Variants in YJU2 observed in about 807,000 individuals in gnomAD.
The protein encoded by YJU2 is YJU2 splicing factor homolog.
A neutral mutation model predicts 39.6 loss-of-function variants in YJU2; 28 were observed. That is an observed-to-expected ratio of 0.71 (90% CI 0.52 to 0.97). YJU2 has a LOEUF of 0.97. YJU2 is among the 50% of genes least tolerant of loss of function. The pLI is 0.00. For synonymous variants in YJU2, 184 were observed against 182.4 expected, an observed-to-expected ratio of 1.01 and a Z score of -0.07; for missense variants, 328 against 430.4, an observed-to-expected ratio of 0.76 and a Z score of 2.11.
intron 5 of YJU2, among the ~76,000 whole-genome samples, chr19:4,258,692 T>C (rs992004913): frequency 1.3e-5 from 2 of 152,216 alleles, no homozygotes; most frequent in African/African-American, 4.8e-5. Flanking sequence ...GAAAGGCATG[T>C]GTGGTGTGTC....
At chr19:4,254,619 C>CT in intron 4 of YJU2, 130 bp downstream of exon 4, 1 of 1,335,566 alleles carries the variant, frequency 7.5e-7, no homozygotes. Context: ...GTTGGTAAAA[C>CT]TTTAAGATGT....
At position 4,247,639 on chromosome 19, in the gene YJU2, GTGTGTGTGTGTGTGTGTGTGTGTGTGTGT is replaced by G. The variant is rs1970939190; in HGVS notation, c.24+470_24+498del. Among the ~76,000 whole-genome samples the G allele has an allele frequency of 2.5e-4, 17 of 66,692 alleles. 1 individual carries two copies. The highest frequency in any genetic ancestry group is 2.9e-4 in the Admixed American group (2 of 6,938). 43.8% of individuals were successfully genotyped at this position (66,692 alleles called of 152,430 possible). A position where few individuals can be genotyped will look rare whatever the true frequency, so the allele number is the denominator to read the frequency against. ...TGTGTGTGTGTGTGTGTGTGTGTGT[GTGTGTGTGTGTGTGTGTGTGTGTGTGTGT>G]GTGTGTGTGTGTGTGTGTGTGTGTG... On this transcript the variant is annotated intron_variant, in intron 1 of 7. Coordinates refer to ENST00000262962, the MANE Select transcript of YJU2 (RefSeq NM_018074.6).
intron 7 of YJU2, 21 bp from the exon 8 acceptor site, chr19:4,268,563 T>C (rs1450169759): frequency 6.4e-7 from 1 of 1,561,526 alleles, no homozygotes; most frequent in Non-Finnish European, 8.8e-7. Context: ...TGAGATGAGC[T>C]AACTCTCGCT....
intron 4 of YJU2, 133 bp downstream of exon 4, chr19:4,254,622 T>C: frequency 7.6e-7 from 1 of 1,323,712 alleles, no homozygotes; most frequent in Non-Finnish European, 1.0e-6. Flanking sequence ...GGTAAAACTT[T>C]AAGATGTCCC....
At chr19:4,253,197 C>CCA (rs1970991238) in intron 3 of YJU2, among the ~76,000 whole-genome samples, 1 of 98,218 alleles carries the variant, frequency 1.0e-5, no homozygotes, top group Non-Finnish European at 2.0e-5. Context: ...CTGTCCGTGT[C>CCA]TACACACACA....
chr19:4,256,221 TACATATATATACATAC>T, intron 4 of YJU2, among the ~76,000 whole-genome samples: 1 of 148,504 alleles, frequency 6.7e-6, no homozygotes, highest in Non-Finnish European at 1.5e-5. Flanking sequence ...CACACACATA[TACATATATATACATAC>T]ACATATATAT....
At position 4,247,484 on chromosome 19, in the gene YJU2, T is replaced by G. The variant is rs576178746; in HGVS notation, c.24+314T>G. 4.3e-5 allele frequency: 12 copies of G among 280,270 alleles called. No homozygotes were observed. The South Asian group carries it at 8.3e-4, about 19-fold the overall frequency. 17.4% of individuals were successfully genotyped at this position (280,270 alleles called of 1,614,324 possible). A position where few individuals can be genotyped will look rare whatever the true frequency, so the allele number is the denominator to read the frequency against. The stretch of plus-strand genomic sequence containing the variant: ...GCTTCCTTAAATGCTGGCGGCCGTG[T>G]TTTGCCCTCTTCTTGAGGGGCGTGG... On this transcript the variant is annotated intron_variant, in intron 1 of 7. Coordinates refer to ENST00000262962, the MANE Select transcript of YJU2 (RefSeq NM_018074.6).
intron 6 of YJU2, among the ~76,000 whole-genome samples, chr19:4,262,475 G>A (rs1971080118): frequency 6.6e-6 from 1 of 152,090 alleles, no homozygotes; most frequent in African/African-American, 2.4e-5. Flanking sequence ...TGGGATTACA[G>A]GCGTGAGCCA....
rs1421334562 is a variant in YJU2 at position 4,261,872 on chromosome 19, C to T, written c.588-122C>T. 3.7e-5 allele frequency: 34 copies of T among 931,264 alleles called. No homozygotes were observed. In the Admixed American group the frequency reaches 4.2e-4, roughly 12 times the overall value. The allele number at this position is 931,264 out of a possible 1,614,324, so 57.7% of individuals were successfully genotyped here. ...TGTGCTCCCCCTACTCCCTCCCACCCCTGCTCACTGAGGGCAGGAAGAGGT... is the reference window on the plus strand; with the variant it reads ...TGTGCTCCCCCTACTCCCTCCCACCTCTGCTCACTGAGGGCAGGAAGAGGT... On this transcript the variant is annotated intron_variant, in intron 5 of 7. Coordinates refer to ENST00000262962, the MANE Select transcript of YJU2 (RefSeq NM_018074.6).
intron 2 of YJU2, 152 bp downstream of exon 2, chr19:4,249,480 CCT>C (rs1970958336): frequency 6.9e-6 from 4 of 581,176 alleles, no homozygotes; most frequent in Non-Finnish European, 9.2e-6. Flanking sequence ...CCCTCCTTCG[CCT>C]CACCACTTGG....
chr19:4,257,792 A>G (rs1000362208), intron 4 of YJU2, among the ~76,000 whole-genome samples: 2 of 151,714 alleles, frequency 1.3e-5, no homozygotes, highest in Admixed American at 6.6e-5. Flanking sequence ...TAGTAGAGAC[A>G]GGGTTTCACC....
chr19:4,261,936 A>T (rs1271422984), intron 5 of YJU2, 58 bp from the exon 6 acceptor site: 2 of 1,579,756 alleles, frequency 1.3e-6, no homozygotes, highest in African/African-American at 2.7e-5. Flanking sequence ...CAGCAGGTAC[A>T]TCCCAGGCAC....
chr19:4,247,228 A>G, intron 1 of YJU2, 58 bp downstream of exon 1: 2 of 1,481,564 alleles, frequency 1.3e-6, no homozygotes, highest in South Asian at 2.3e-5. Flanking sequence ...GAACTCCGGG[A>G]GAGGGAGGAG....
intron 5 of YJU2, 30 bp downstream of exon 5, chr19:4,258,453 A>G (rs1420546364): frequency 1.3e-6 from 2 of 1,553,190 alleles, no homozygotes; most frequent in African/African-American, 2.7e-5. Context: ...ACCCAGCCCC[A>G]CCTCGCAGCC....
intron 1 of YJU2, among the ~76,000 whole-genome samples, chr19:4,248,999 A>C (rs1970953634): frequency 6.6e-6 from 1 of 152,108 alleles, no homozygotes; most frequent in East Asian, 1.9e-4. Context: ...CATGACTGGT[A>C]TTTAGGAGAA....
chr19:4,265,663 A>C lies in YJU2; in HGVS notation c.709-1961A>C, dbSNP rs12609221. Among the ~76,000 whole-genome samples, 12 of 151,532 alleles carry C rather than the reference A, an allele frequency of 7.9e-5. No homozygotes were observed. In the East Asian group the frequency reaches 2.3e-3, roughly 29 times the overall value. ...GAGTGCAGTGGCACGGTCTCGGCTC[A>C]CTGCAACCTCCGGCTCCCAGCCTGT... On this transcript the variant is annotated intron_variant, in intron 6 of 7. Transcript: ENST00000262962.
At chr19:4,258,575 C>T (rs891102336) in intron 5 of YJU2, 152 bp downstream of exon 5, 33 of 1,296,786 alleles carry the variant, frequency 2.5e-5, no homozygotes, top group Middle Eastern at 5.5e-4. Flanking sequence ...CTTGTGGCGT[C>T]TCTCGAGGGG....
intron 5 of YJU2, 100 bp from the exon 6 acceptor site, chr19:4,261,894 A>G: frequency 8.1e-7 from 1 of 1,227,280 alleles, no homozygotes; most frequent in Non-Finnish European, 1.1e-6. Context: ...GGGCAGGAAG[A>G]GGTCTCCAGG....
rs148089295 is a variant in YJU2, at chr19:4,250,324, C to T, written c.126-703C>T. Among the ~76,000 whole-genome samples, 3 of 152,248 alleles carry T rather than the reference C, an allele frequency of 2.0e-5. No individual in the cohort carries two copies. The East Asian group carries it at 5.8e-4, about 29-fold the overall frequency. On this transcript the variant is annotated intron_variant, in intron 2 of 7. Coordinates refer to ENST00000262962, the MANE Select transcript of YJU2 (RefSeq NM_018074.6). ...TCAACACTCATTTATTGGGCACCTG[C>T]TGTGTGCCAGGGTCTGTGCCGAGCG...
Sources: gnomAD v4.1 joint callset for allele counts (sites outside exome capture counted in the v4.1 genomes callset) on GRCh38, gnomAD v4.1.1 for gene constraint, MANE v1.5 for transcripts, NCBI Gene and HGNC (gene_info 2026-07-23, HGNC 2026-07-21) for gene names.